SHROOM2: variants seen among roughly 807,000 people sequenced by gnomAD.
The protein encoded by SHROOM2 is protein Shroom2.
Under a neutral mutation model 75.9 loss-of-function variants are expected in SHROOM2, and 33 were observed. That is an observed-to-expected ratio of 0.43 (90% confidence interval 0.33 to 0.58). The LOEUF is 0.58. Among genes scored for constraint, SHROOM2 ranks in the 20% least tolerant of loss-of-function variants. The probability of loss-of-function intolerance (pLI) is 0.04; values close to 1 mark genes in which losing one functional copy is unlikely to be tolerated. For synonymous variants in SHROOM2, 655 were observed against 663.6 expected (o/e 0.99, Z 0.20); for missense variants, 1,434 against 1,461.2 (o/e 0.98, Z 0.30).
chrX:9,830,963 G>T (rs2083913420), intron 1 of SHROOM2, among the ~76,000 whole-genome samples: 1 of 111,935 alleles, frequency 8.9e-6, no homozygotes, highest in Non-Finnish European at 1.9e-5. Context: ...TGGGTCTCAC[G>T]AGAGGCATCT....
At chrX:9,837,992 T>C (rs1230846363) in intron 1 of SHROOM2, among the ~76,000 whole-genome samples, 1 of 109,970 alleles carries the variant, frequency 9.1e-6, no homozygotes, top group Non-Finnish European at 1.9e-5. Context: ...GGACATTTCC[T>C]TGGGAAGCAA....
chrX:9,817,111 A>G (rs1329539470), intron 1 of SHROOM2, among the ~76,000 whole-genome samples: 6 of 110,109 alleles, frequency 5.4e-5, no homozygotes, highest in Non-Finnish European at 9.5e-5. Context: ...AGGTGGGACT[A>G]CAGGCACCCG....
At chrX:9,850,507 C>T (rs1407569633) in intron 1 of SHROOM2, among the ~76,000 whole-genome samples, 1 of 111,269 alleles carries the variant, frequency 9.0e-6, no homozygotes, top group Non-Finnish European at 1.9e-5. Context: ...GGCTTCCTGG[C>T]TCATATGCCC....
rs1340502942 is a variant in SHROOM2 at position 9,895,936 on chromosome X, C to T, written c.2028C>T (p.Leu676=). 4.2e-6 allele frequency: 5 copies of T among 1,194,373 alleles called. No individual in the cohort carries two copies. Among genetic ancestry groups the T allele is most frequent in the East Asian group, 6.0e-5 (2 of 33,153 alleles). ...GAGGTGGCACCCAGGAAGGACCCCTCGCTGGCACCTATAAAGACCACCTGA... is the reference window on the plus strand; with the variant it reads ...GAGGTGGCACCCAGGAAGGACCCCTTGCTGGCACCTATAAAGACCACCTGA... ...GLGGGTQEGP[L]AGTYKDHLKE... Residue 676 remains leucine (L), a synonymous_variant, in exon 4 of 10, where the codon CTC becomes CTT. Transcript: ENST00000380913.
Position 9,873,686 on chromosome X carries a change from A to G in SHROOM2, c.200A>G (p.Lys67Arg), listed in dbSNP as rs761019672. ...EEGSKAAAVD[K>R]LLAGDEIVGI... ...GGCAGTAAAGCCGCGGCGGTCGACA[A>G]GTTACTGGCTGGAGATGAGATCGTC... The change falls in exon 2 of 10, where the codon AAG (lysine) becomes AGG (arginine). Residue 67 changes from lysine (K) to arginine (R), a missense_variant. By Grantham distance (26) the Lys-to-Arg change is conservative (BLOSUM62 2). Coordinates refer to ENST00000380913, the MANE Select transcript of SHROOM2 (RefSeq NM_001649.4). 3 of 1,210,217 alleles carry G rather than the reference A, an allele frequency of 2.5e-6. No individual in the cohort carries two copies. Among genetic ancestry groups the G allele is most frequent in the African/African-American group, 3.5e-5 (2 of 57,297 alleles).
At chrX:9,861,114 G>A (rs1303784416) in intron 1 of SHROOM2, among the ~76,000 whole-genome samples, 2 of 112,107 alleles carry the variant, frequency 1.8e-5, no homozygotes, top group African/African-American at 6.5e-5. Context: ...TAATGCTACT[G>A]AACTCCATGC....
chrX:9,935,405 C>T (rs935386218), intron 6 of SHROOM2, among the ~76,000 whole-genome samples: 10 of 109,846 alleles, frequency 9.1e-5, no homozygotes, highest in Non-Finnish European at 1.3e-4. Flanking sequence ...GTCTCAAACT[C>T]CTGGGCGCAA....
chrX:9,933,518 C>T (rs1296468794), intron 6 of SHROOM2, among the ~76,000 whole-genome samples: 1 of 112,009 alleles, frequency 8.9e-6, no homozygotes, highest in Non-Finnish European at 1.9e-5. Flanking sequence ...CGCCTGTAAT[C>T]CCAGCACGTC....
At position 9,894,781 on chromosome X, in the gene SHROOM2, T is replaced by A. The variant is rs1313677589; in HGVS notation, c.873T>A (p.Ala291=). The A allele has an allele frequency of 3.3e-6, 4 of 1,211,681 alleles. No individual in the cohort carries two copies. In the South Asian group the frequency reaches 7.0e-5, roughly 21 times the overall value. ...AGTACAATGCCGAGCCCAAGCTGGC[T>A]GCCCCTGGGAGGTCCAATTTTGGGC... ...RPEYNAEPKL[A]APGRSNFGPV... The change falls in exon 4 of 10, where the codon GCT becomes GCA. Residue 291 remains alanine (A), a synonymous_variant. Transcript: ENST00000380913.
intron 6 of SHROOM2, among the ~76,000 whole-genome samples, chrX:9,935,173 C>T (rs2084688918): frequency 9.0e-6 from 1 of 110,801 alleles, no homozygotes; most frequent in South Asian, 3.8e-4. Context: ...GGGGAGGATA[C>T]CAATACAGGC....
chrX:9,907,037 G>T (rs781563761), intron 5 of SHROOM2, among the ~76,000 whole-genome samples: 1 of 110,861 alleles, frequency 9.0e-6, no homozygotes, highest in South Asian at 3.9e-4. Flanking sequence ...TCCCCCTGGC[G>T]TTGGGGCAGG....
chrX:9,932,706 G>A lies in SHROOM2; in HGVS notation c.3423G>A (p.Gly1141=). Residue 1141 remains glycine (G), a synonymous_variant, in exon 6 of 10, where the codon GGG becomes GGA. Transcript: ENST00000380913. ...AGCGTGGAAGCCAGCATGTGAGCGG[G>A]GACGCATCACGTCCTCTGCCAGAAG... ...VCERGSQHVS[G]DASRPLPEAL... is the part of the protein sequence containing the mutation. 2 of 1,211,272 alleles carry A rather than the reference G, an allele frequency of 1.7e-6. No individual in the cohort carries two copies. Among genetic ancestry groups the A allele is most frequent in the Non-Finnish European group, 2.2e-6 (2 of 895,486 alleles).
intron 2 of SHROOM2, among the ~76,000 whole-genome samples, chrX:9,884,368 CTT>C (rs1181815816): frequency 3.2e-5 from 2 of 62,303 alleles, no homozygotes; most frequent in Non-Finnish European, 6.2e-5. Flanking sequence ...TTTTTCTTTT[CTT>C]TTTTTTTTTT....
At chrX:9,855,652 C>T (rs1182945705) in intron 1 of SHROOM2, among the ~76,000 whole-genome samples, 2 of 111,903 alleles carry the variant, frequency 1.8e-5, no homozygotes, top group Admixed American at 9.6e-5. Context: ...TCAGAAACAG[C>T]TTTGGAGCTG....
chrX:9,793,298 CTT>C (rs372570871), intron 1 of SHROOM2, among the ~76,000 whole-genome samples: 1 of 101,581 alleles, frequency 9.8e-6, no homozygotes. Context: ...TTTTTCCACT[CTT>C]TTTTTTTTTT....
At chrX:9,942,012 G>A (rs1365154282) in intron 8 of SHROOM2, among the ~76,000 whole-genome samples, 2 of 109,312 alleles carry the variant, frequency 1.8e-5, no homozygotes. Context: ...GAGCAGCCCT[G>A]GCGGGCGTCC....
At chrX:9,789,098 C>A (rs1027923982) in intron 1 of SHROOM2, among the ~76,000 whole-genome samples, 2 of 111,633 alleles carry the variant, frequency 1.8e-5, no homozygotes, top group Admixed American at 1.9e-4. Context: ...CGCGTTGGCC[C>A]TGAGAATAGG....
At chrX:9,864,763 T>C in intron 1 of SHROOM2, among the ~76,000 whole-genome samples, 1 of 106,770 alleles carries the variant, frequency 9.4e-6, no homozygotes, top group Non-Finnish European at 2.0e-5. Flanking sequence ...AGGCGGAGCT[T>C]GCAGTGAGCC....
intron 5 of SHROOM2, among the ~76,000 whole-genome samples, chrX:9,922,088 C>A (rs764299148): frequency 8.9e-6 from 1 of 112,043 alleles, no homozygotes; most frequent in Admixed American, 9.5e-5. Flanking sequence ...AGTTCTCTGT[C>A]TGTTGCCCAG....
Sources: gnomAD v4.1 joint callset for allele counts (sites outside exome capture counted in the v4.1 genomes callset) on GRCh38, gnomAD v4.1.1 for gene constraint, MANE v1.5 for transcripts, NCBI Gene and HGNC (gene_info 2026-07-23, HGNC 2026-07-21) for gene names.